Variants in TRPM2 observed in about 807,000 individuals in gnomAD.
The protein encoded by TRPM2 is estrogen-responsive element-associated gene 1 protein.
A neutral mutation model predicts 174.0 loss-of-function variants in TRPM2; 161 were observed. The ratio of observed to expected loss-of-function variants is 0.93; its 90% CI spans 0.81 to 1.05. The LOEUF is 1.05. Ranked by LOEUF, TRPM2 falls within the 50% of genes least tolerant of loss-of-function variation. The probability of loss-of-function intolerance (pLI) is 0.00; values close to 1 mark genes in which losing one functional copy is unlikely to be tolerated. For missense variants in TRPM2, 2,057 were observed against 2,038.0 expected (o/e 1.01, Z -0.18); for synonymous variants, 954 against 861.3 (o/e 1.11, Z -1.88).
chr21:44,419,628 T>TGGTGCTGGTG, intron 22 of TRPM2, among the ~76,000 whole-genome samples: 1 of 43,818 alleles, frequency 2.3e-5, no homozygotes, highest in Non-Finnish European at 5.3e-5. Context: ...TGGTGGTGAT[T>TGGTGCTGGTG]GTGATGGTGG....
rs183471993 is a variant in TRPM2, at chr21:44,432,867, C to T, written c.3975-2264C>T. Among the ~76,000 whole-genome samples, 21 of 152,252 alleles carry T rather than the reference C, an allele frequency of 1.4e-4. No individual in the cohort carries two copies. Among genetic ancestry groups the T allele is most frequent in the Admixed American group, 2.6e-4 (4 of 15,298 alleles). On this transcript the variant is annotated intron_variant, in intron 27 of 31. Transcript: ENST00000397928. This position sits in a 1 kb window ranked among gnomAD's most constrained non-coding sequence, Gnocchi z 4.9. ...TGTAGCCAGACTGTCGCTGTTTTTG[C>T]GCTTTGGGGTTGTGTGCGTAGGTTT... is the stretch of plus-strand genomic sequence containing the variant.
At chr21:44,430,964 C>CT (rs71197900) in intron 27 of TRPM2, among the ~76,000 whole-genome samples, 75,457 of 145,280 alleles carry the variant, frequency 0.52, 21,804 homozygotes, top group East Asian at 0.66. Context: ...TATTTCTCTT[C>CT]TTTTTTTTTT....
intron 2 of TRPM2, among the ~76,000 whole-genome samples, chr21:44,361,770 C>T (rs1422639572): frequency 7.9e-5 from 12 of 152,186 alleles, no homozygotes; most frequent in Admixed American, 2.0e-4. Flanking sequence ...TACAGTGGCA[C>T]GATCTCGGCT....
At position 44,406,579 on chromosome 21, in the gene TRPM2, C is replaced by A. The variant is rs1618355; in HGVS notation, c.2791-15C>A. On this transcript the variant is annotated splice_polypyrimidine_tract_variant and intron_variant, in intron 18 of 31. Coordinates refer to ENST00000397928, the MANE Select transcript of TRPM2 (RefSeq NM_003307.4). ...GGGCCAGGAGAGTGTAGCCCACACA[C>A]TCTCTGTCCTGCAGATGAAGGACGT... The A allele has an allele frequency of 0.74, 1,192,571 of 1,602,260 alleles. 445,700 individuals carry two copies. The highest frequency in any genetic ancestry group is 0.76 in the Non-Finnish European group (897,765 of 1,177,430).
rs1441659028 is a variant in TRPM2 at position 44,427,086 on chromosome 21, T to C, written c.3949T>C (p.Tyr1317His). The C allele has an allele frequency of 5.0e-6, 8 of 1,603,078 alleles. No individual in the cohort carries two copies. The highest frequency in any genetic ancestry group is 4.0e-5 in the African/African-American group (3 of 74,810). The change falls in exon 27 of 32, where the codon TAC becomes CAC. Residue 1317 changes from tyrosine (Y) to histidine (H), a missense_variant. Tyr to His is a moderately conservative substitution (Grantham distance 83). Transcript: ENST00000397928. ...LRDRRSFHGP[Y>H]TVQAGLPLNP... is the part of the protein sequence containing the mutation. ...GGACCGCCGGAGCTTCCACGGGCCG[T>C]ACACAGTGCAGGCCGGGTTGCCCCT...
intron 22 of TRPM2, among the ~76,000 whole-genome samples, chr21:44,420,249 C>T (rs981615867): frequency 9.2e-5 from 14 of 152,104 alleles, no homozygotes; most frequent in Non-Finnish European, 1.5e-4. Context: ...GCCTTTCCTG[C>T]CCTCCACCCA....
At position 44,390,958 on chromosome 21, in the gene TRPM2, T is replaced by C; in HGVS notation, c.1373T>C (p.Leu458Pro). 1 of 1,614,108 alleles carries C rather than the reference T, an allele frequency of 6.2e-7. No individual in the cohort carries two copies. Among genetic ancestry groups the C allele is most frequent in the Non-Finnish European group, 8.5e-7 (1 of 1,180,038 alleles). ...GHENWDHQLK[L>P]AVAWNRVDIA... is the part of the protein sequence containing the mutation. The stretch of plus-strand genomic sequence containing the variant: ...GAGAACTGGGACCACCAGCTGAAAC[T>C]GGCAGTGGCATGGAATCGCGTGGAC... Residue 458 changes from leucine (L) to proline (P), a missense_variant, in exon 10 of 32, where the codon CTG becomes CCG. Physicochemically the swap from Leu to Pro is moderately conservative, Grantham distance 98. Coordinates refer to ENST00000397928, the MANE Select transcript of TRPM2 (RefSeq NM_003307.4).
Position 44,439,177 on chromosome 21 carries a change from G to A in TRPM2, c.4269+9G>A. The A allele has an allele frequency of 6.2e-7, 1 of 1,611,222 alleles. No individual in the cohort carries two copies. The highest frequency in any genetic ancestry group is 8.5e-7 in the Non-Finnish European group (1 of 1,177,834). ...TGAAGTGCGGCATGGAGGTATTCCT[G>A]GCCTGTTTGCTCTGTTCCACCTGTG... On this transcript the variant is annotated intron_variant, in intron 30 of 31. Coordinates refer to ENST00000397928, the MANE Select transcript of TRPM2 (RefSeq NM_003307.4). The surrounding 1 kb of genome is among the most constrained non-coding windows in gnomAD (Gnocchi z 5.1).
chr21:44,417,080 A>G (rs113334698), intron 20 of TRPM2, among the ~76,000 whole-genome samples: 54 of 66,382 alleles, frequency 8.1e-4, no homozygotes, highest in Admixed American at 1.2e-3. Context: ...GCACGTGGGC[A>G]TGGCTCTGCT....
intron 16 of TRPM2, among the ~76,000 whole-genome samples, chr21:44,402,345 G>A (rs895328110): frequency 2.0e-5 from 3 of 152,188 alleles, no homozygotes; most frequent in Non-Finnish European, 2.9e-5. Context: ...AACCAGCCAG[G>A]GGGAGGGACG....
At chr21:44,406,231 TTC>T (rs2049870318) in intron 18 of TRPM2, among the ~76,000 whole-genome samples, 194 bp downstream of exon 18, 3 of 152,080 alleles carry the variant, frequency 2.0e-5, no homozygotes, top group Admixed American at 2.0e-4. Flanking sequence ...CCAGGAAGCC[TTC>T]CCTCATTCTC....
rs2048012526 is a variant in TRPM2 at position 44,354,924 on chromosome 21, T to C, written c.254+188T>C. The stretch of plus-strand genomic sequence containing the variant: ...CTTGCAAGCCTCCTGTCGGGGACAG[T>C]TGACCCTCATCCTGCCTCGCAGGTG... On this transcript the variant is annotated intron_variant, in intron 2 of 31. Coordinates refer to ENST00000397928, the MANE Select transcript of TRPM2 (RefSeq NM_003307.4). This position sits in a 1 kb window ranked among gnomAD's most constrained non-coding sequence, Gnocchi z 4.3. 6.6e-6 allele frequency among the ~76,000 whole-genome samples: 1 copy of C among 152,146 alleles called. No homozygotes were observed. The highest frequency in any genetic ancestry group is 1.5e-5 in the Non-Finnish European group (1 of 68,034).
chr21:44,431,072 C>G (rs1050031395), intron 27 of TRPM2, among the ~76,000 whole-genome samples: 2 of 150,612 alleles, frequency 1.3e-5, no homozygotes, highest in Non-Finnish European at 3.0e-5. Context: ...TCCATTTTTG[C>G]TTTTATTGTT....
rs2051521929 is a variant in TRPM2, at chr21:44,441,906, C to G, written c.*89C>G. ...CTCCTGAGCCTGGCCAGGACTCAGGCTGTTCCTGGGCCCTGCACATGATGG... is the reference window on the plus strand; with the variant it reads ...CTCCTGAGCCTGGCCAGGACTCAGGGTGTTCCTGGGCCCTGCACATGATGG... On this transcript the variant is annotated 3_prime_UTR_variant, in exon 32 of 32. Coordinates refer to ENST00000397928, the MANE Select transcript of TRPM2 (RefSeq NM_003307.4). 1 of 1,474,290 alleles carries G rather than the reference C, an allele frequency of 6.8e-7. No individual in the cohort carries two copies. The highest frequency in any genetic ancestry group is 9.0e-7 in the Non-Finnish European group (1 of 1,110,988). 91.3% of individuals were successfully genotyped at this position (1,474,290 alleles called of 1,614,324 possible). A position where few individuals can be genotyped will look rare whatever the true frequency, so the allele number is the denominator to read the frequency against.
At chr21:44,389,023 C>T (rs943845226) in intron 9 of TRPM2, among the ~76,000 whole-genome samples, 1 of 152,212 alleles carries the variant, frequency 6.6e-6, no homozygotes, top group Non-Finnish European at 1.5e-5. Flanking sequence ...CCACCACAGT[C>T]TCCATACAGG....
chr21:44,388,618 C>T (rs188209760), intron 9 of TRPM2, among the ~76,000 whole-genome samples: 1 of 143,636 alleles, frequency 7.0e-6, no homozygotes, highest in Non-Finnish European at 1.5e-5. Context: ...CACTTGAGCC[C>T]AGCCTAGGCA....
chr21:44,405,801 C>G, intron 17 of TRPM2, 104 bp from the exon 18 acceptor site: 1 of 1,438,692 alleles, frequency 7.0e-7, no homozygotes, highest in Non-Finnish European at 9.3e-7. Flanking sequence ...CCTTTGCCTC[C>G]AGGGCCCACC....
intron 5 of TRPM2, among the ~76,000 whole-genome samples, chr21:44,373,559 CATTATAT>C (rs1218441329): frequency 9.4e-6 from 1 of 106,762 alleles, no homozygotes; most frequent in African/African-American, 3.0e-5. Context: ...ATGCGACCTG[CATTATAT>C]GCGACCTGCA....
intron 12 of TRPM2, among the ~76,000 whole-genome samples, chr21:44,396,624 G>A: frequency 2.8e-5 from 1 of 35,474 alleles, no homozygotes; most frequent in Non-Finnish European, 5.8e-5. Flanking sequence ...GGCTGTGGAG[G>A]GGTGTGGAGG....
Sources: allele counts gnomAD v4.1 joint callset (sites outside exome capture counted in the v4.1 genomes callset), GRCh38; gene constraint gnomAD v4.1.1; non-coding constraint Gnocchi (gnomAD v3.1); transcripts MANE v1.5; gene names NCBI Gene and HGNC (gene_info 2026-07-23, HGNC 2026-07-21).